Variants in SAMD12 observed in about 807,000 individuals in gnomAD.
The protein encoded by SAMD12 is sterile alpha motif domain containing 12, also known as sterile alpha motif domain-containing protein 12.
A neutral mutation model predicts 15.0 loss-of-function variants in SAMD12; 9 were observed. That is an observed-to-expected ratio of 0.60 (90% CI 0.36 to 1.05). The LOEUF (loss-of-function observed/expected upper bound fraction) is 1.05. SAMD12 is among the 50% of genes least tolerant of loss of function. The pLI, the probability that SAMD12 is intolerant of heterozygous loss-of-function variation, is 0.01. For missense variants in SAMD12, 230 were observed against 234.2 expected (o/e 0.98, Z 0.12); for synonymous variants, 86 against 90.1 (o/e 0.96, Z 0.25).
intron 4 of SAMD12, among the ~76,000 whole-genome samples, chr8:118,270,954 G>A (rs948719008): frequency 6.6e-6 from 1 of 152,154 alleles, no homozygotes; most frequent in Admixed American, 6.6e-5. Context: ...TATAATTATT[G>A]GGTAAGTGAG....
In SAMD12 at chr8:118,530,282, T is replaced by C. The variant is rs1400572526; in HGVS notation, c.192+50433A>G. On this transcript the variant is annotated intron_variant, in intron 2 of 3. Transcript: ENST00000314727. ...GTTTGTTCCATGAGTAGACTGTGTG[T>C]CACAGGGGTTTGGTGTACAGATAAT... 4.6e-5 allele frequency among the ~76,000 whole-genome samples: 7 copies of C among 152,330 alleles called. No individual in the cohort carries two copies. In the East Asian group the frequency reaches 1.2e-3, roughly 25 times the overall value.
chr8:118,534,254 A>C (rs1002911899), intron 2 of SAMD12, among the ~76,000 whole-genome samples: 3 of 152,232 alleles, frequency 2.0e-5, no homozygotes, highest in Non-Finnish European at 4.4e-5. Flanking sequence ...TTTCTTTAAG[A>C]ATGTTGAATA....
At chr8:118,612,635 G>A (rs1015812217) in intron 1 of SAMD12, among the ~76,000 whole-genome samples, 2 of 152,166 alleles carry the variant, frequency 1.3e-5, no homozygotes, top group Non-Finnish European at 2.9e-5. Flanking sequence ...TTGAGACACC[G>A]TCAATCTGGA....
chr8:118,405,469 G>A (rs1821083938), intron 3 of SAMD12, among the ~76,000 whole-genome samples: 1 of 152,174 alleles, frequency 6.6e-6, no homozygotes, highest in African/African-American at 2.4e-5. Context: ...AAAAGCAAAA[G>A]CGATCTACAG....
intron 3 of SAMD12, 84 bp downstream of exon 3, chr8:118,439,748 T>C (rs1822676835): frequency 8.0e-7 from 1 of 1,244,320 alleles, no homozygotes; most frequent in Non-Finnish European, 1.1e-6. Context: ...AGGAAGATGT[T>C]GTTTCATGGT....
chr8:118,475,938 GA>G (rs1823947398), intron 2 of SAMD12, among the ~76,000 whole-genome samples: 1 of 152,210 alleles, frequency 6.6e-6, no homozygotes, highest in Non-Finnish European at 1.5e-5. Context: ...GTATCTGCAA[GA>G]AGATAGGTAG....
intron 4 of SAMD12, among the ~76,000 whole-genome samples, chr8:118,243,303 G>A (rs1355767062): frequency 1.3e-5 from 2 of 152,016 alleles, no homozygotes; most frequent in African/African-American, 2.4e-5. Flanking sequence ...TTAGTGGGTA[G>A]GGAACAGATG....
chr8:118,321,310 GGTTTT>G (rs1816270800), intron 4 of SAMD12, among the ~76,000 whole-genome samples: 1 of 61,390 alleles, frequency 1.6e-5, no homozygotes, highest in African/African-American at 1.1e-4. Context: ...TTTTTTTTTT[GGTTTT>G]TTTTTAAAGA....
In SAMD12 at chr8:118,280,377, T is replaced by A. The variant is rs987196681; in HGVS notation, c.434-82645A>T. Among the ~76,000 whole-genome samples, 13 of 152,300 alleles carry A rather than the reference T, an allele frequency of 8.5e-5. 1 individual carries two copies. Among genetic ancestry groups the A allele is most frequent in the Admixed American group, 7.2e-4 (11 of 15,286 alleles). On this transcript the variant is annotated intron_variant, in intron 4 of 4. Transcript: ENST00000409003. ...TGCACTGAACTTATCTGCAATCAGC[T>A]GCCTTGACCACTCTGTGCTACATGG...
At chr8:118,314,545 CCTCA>C (rs1815785859) in intron 4 of SAMD12, among the ~76,000 whole-genome samples, 1 of 152,164 alleles carries the variant, frequency 6.6e-6, no homozygotes, top group Admixed American at 6.6e-5. Flanking sequence ...CACATCCATC[CCTCA>C]CTCACCATCC....
At chr8:118,201,437 T>G (rs1819711262) in intron 4 of SAMD12, among the ~76,000 whole-genome samples, 1 of 152,222 alleles carries the variant, frequency 6.6e-6, no homozygotes, top group South Asian at 2.1e-4. Context: ...TGTGTGCGAG[T>G]GTGGCATCTC....
chr8:118,400,362 C>T (rs953436080), intron 3 of SAMD12: 4 of 152,288 alleles, frequency 2.6e-5, no homozygotes, highest in South Asian at 2.1e-4. Context: ...AATCTAGGAC[C>T]ACCAGATTTC....
chr8:118,615,277 C>T (rs1235396755), intron 1 of SAMD12, among the ~76,000 whole-genome samples: 3 of 152,184 alleles, frequency 2.0e-5, no homozygotes, highest in African/African-American at 7.2e-5. Flanking sequence ...CCCCACCCAG[C>T]TCAGAACTAA....
rs1009987746 is a variant in SAMD12, at chr8:118,254,504, G to A, written c.434-56772C>T. Among the ~76,000 whole-genome samples, 139 of 152,178 alleles carry A rather than the reference G, an allele frequency of 9.1e-4. 1 individual carries two copies. Among genetic ancestry groups the A allele is most frequent in the African/African-American group, 1.3e-3 (56 of 41,538 alleles). ...GTCATCATCCATCTCGCCACACCAG[G>A]CTTTTTGGAGACAATAATTAATAAC... On this transcript the variant is annotated intron_variant, in intron 4 of 4. Coordinates refer to the SAMD12 transcript ENST00000409003.
intron 4 of SAMD12, among the ~76,000 whole-genome samples, chr8:118,238,812 A>G (rs1377089905): frequency 6.6e-6 from 1 of 152,246 alleles, no homozygotes; most frequent in African/African-American, 2.4e-5. Context: ...CAAGGCCACA[A>G]AGAAAATAGT....
intron 3 of SAMD12, among the ~76,000 whole-genome samples, chr8:118,439,391 G>C (rs1374621951): frequency 6.6e-6 from 1 of 152,066 alleles, no homozygotes; most frequent in East Asian, 1.9e-4. Context: ...TCACATGATT[G>C]GATACATGTG....
At position 118,299,800 on chromosome 8, in the gene SAMD12, G is replaced by T. The variant is rs79248190; in HGVS notation, c.433+79760C>A. The stretch of plus-strand genomic sequence containing the variant: ...CTTCATGGCCTACAGACATATGGCT[G>T]TAGGCTGAGTCCACCTAAACCAACT... On this transcript the variant is annotated intron_variant, in intron 4 of 4. Transcript: ENST00000409003. 4.1e-3 allele frequency among the ~76,000 whole-genome samples: 629 copies of T among 152,232 alleles called. 3 individuals are homozygous for T. The highest frequency in any genetic ancestry group is 0.014 in the African/African-American group (592 of 41,534).
chr8:118,524,462 C>A (rs1207844960), intron 2 of SAMD12, among the ~76,000 whole-genome samples: 1 of 152,124 alleles, frequency 6.6e-6, no homozygotes, highest in Non-Finnish European at 1.5e-5. Flanking sequence ...ATATTGGATG[C>A]TGCAGTATTC....
rs139157313 is a variant in SAMD12, at chr8:118,428,323, T to C, written c.322+11509A>G. On this transcript the variant is annotated intron_variant, in intron 3 of 3. Transcript: ENST00000314727. Reference sequence around the variant, plus strand: ...GTGTGCATCTGTAATCCCAGCTACATGTGAGGTTGGGGCCATGGGATCTTT... The same window carrying C: ...GTGTGCATCTGTAATCCCAGCTACACGTGAGGTTGGGGCCATGGGATCTTT... Among the ~76,000 whole-genome samples the C allele has an allele frequency of 6.7e-3, 1,026 of 152,134 alleles. 15 individuals carry two copies. The highest frequency in any genetic ancestry group is 0.021 in the African/African-American group (875 of 41,506).
Sources: gnomAD v4.1 joint callset for allele counts (sites outside exome capture counted in the v4.1 genomes callset) on GRCh38, gnomAD v4.1.1 for gene constraint, MANE v1.5 for transcripts, NCBI Gene and HGNC (gene_info 2026-07-23, HGNC 2026-07-21) for gene names.